SLC20A2: variants seen among roughly 807,000 people sequenced by gnomAD.
The protein encoded by SLC20A2 is solute carrier family 20 member 2.
Under a neutral mutation model 61.0 loss-of-function variants are expected in SLC20A2, and 30 were observed. That is an observed-to-expected ratio of 0.49 (90% confidence interval 0.37 to 0.67). The LOEUF is 0.67. Among genes scored for constraint, SLC20A2 ranks in the 30% least tolerant of loss-of-function variants. The pLI is 0.00. For synonymous variants in SLC20A2, 351 were observed against 353.3 expected, an observed-to-expected ratio of 0.99 and a Z score of 0.07; for missense variants, 626 against 866.4, an observed-to-expected ratio of 0.72 and a Z score of 3.48.
chr8:42,424,322 G>A (rs1476144792), intron 10 of SLC20A2, among the ~76,000 whole-genome samples: 1 of 151,628 alleles, frequency 6.6e-6, no homozygotes, highest in Non-Finnish European at 1.5e-5. Flanking sequence ...GCTTTTTTTG[G>A]GGGGTGCGGG....
chr8:42,540,814 T>C (rs1017926603), intron 1 of SLC20A2: 2 of 152,278 alleles, frequency 1.3e-5, no homozygotes, highest in Non-Finnish European at 2.9e-5. Context: ...ACTTCCATAC[T>C]GATGCTGAAA....
intron 2 of SLC20A2, among the ~76,000 whole-genome samples, chr8:42,469,452 C>A (rs1469093143): frequency 1.3e-5 from 2 of 152,118 alleles, no homozygotes; most frequent in Non-Finnish European, 2.9e-5. Context: ...CAGTAAAGAG[C>A]CAAACGCCAG....
At chr8:42,444,797 G>C in intron 5 of SLC20A2, 35 bp from the exon 6 acceptor site, 1 of 1,545,726 alleles carries the variant, frequency 6.5e-7, no homozygotes, top group Middle Eastern at 1.7e-4. Context: ...GTCATTACTG[G>C]AAACTTCTGC....
chr8:42,418,858 C>T (rs1245490255), intron 10 of SLC20A2, among the ~76,000 whole-genome samples: 1 of 151,652 alleles, frequency 6.6e-6, no homozygotes, highest in Non-Finnish European at 1.5e-5. Flanking sequence ...ATTAGCCAGG[C>T]GTGGTGGCAG....
chr8:42,451,574 G>A (rs1305125544), intron 5 of SLC20A2, among the ~76,000 whole-genome samples: 4 of 139,278 alleles, frequency 2.9e-5, no homozygotes, highest in African/African-American at 1.1e-4. Flanking sequence ...AGGAAGAGAT[G>A]AAGAGGAAGA....
intron 1 of SLC20A2, chr8:42,484,837 G>A: frequency 3.0e-6 from 1 of 334,172 alleles, no homozygotes; most frequent in South Asian, 2.6e-5. Flanking sequence ...AGGGCATCCA[G>A]CCAGCTGGGT....
rs147146691 is a variant in SLC20A2 at position 42,529,933 on chromosome 8, C to T, written c.-265+11888G>A. Among the ~76,000 whole-genome samples, 1,187 of 152,254 alleles carry T rather than the reference C, an allele frequency of 7.8e-3. 8 individuals carry two copies. The highest frequency in any genetic ancestry group is 0.027 in the African/African-American group (1,136 of 41,550). On this transcript the variant is annotated intron_variant, in intron 1 of 10. Coordinates refer to the SLC20A2 transcript ENST00000342228. Reference sequence around the variant, plus strand: ...AGTGAAATAACTTTTAAAAAAGAAACTTTAGATACAGTATATATTTTGATC... The same window carrying T: ...AGTGAAATAACTTTTAAAAAAGAAATTTTAGATACAGTATATATTTTGATC...
At chr8:42,459,663 A>G (rs945642512) in intron 5 of SLC20A2, among the ~76,000 whole-genome samples, 6 of 152,136 alleles carry the variant, frequency 3.9e-5, no homozygotes, top group Non-Finnish European at 8.8e-5. Context: ...TGTACTCTAC[A>G]TATCTCTTGG....
intron 1 of SLC20A2, among the ~76,000 whole-genome samples, chr8:42,519,170 G>T (rs949632914): frequency 1.3e-5 from 2 of 152,194 alleles, no homozygotes; most frequent in Admixed American, 6.5e-5. Context: ...TACTGACCAG[G>T]CACGGTGGCT....
chr8:42,438,063 C>CAAAAAAAAAAAAAAA lies in SLC20A2; in HGVS notation c.935-501_935-487dup, dbSNP rs1391262305. Among the ~76,000 whole-genome samples the CAAAAAAAAAAAAAAA allele has an allele frequency of 5.7e-3, 152 of 26,792 alleles. 25 individuals carry two copies. The highest frequency in any genetic ancestry group is 8.6e-3 in the Non-Finnish European group (105 of 12,224). 17.6% of individuals were successfully genotyped at this position (26,792 alleles called of 152,430 possible). On this transcript the variant is annotated intron_variant, in intron 7 of 10. Transcript: ENST00000520262. ...TATGGTTACCACTAAAAAAAAAAAC[C>CAAAAAAAAAAAAAAA]AAAAAAAAAAAAAAAAAAAAAAAAA...
At chr8:42,428,203 G>T (rs1803558802) in intron 10 of SLC20A2, among the ~76,000 whole-genome samples, 1 of 152,160 alleles carries the variant, frequency 6.6e-6, no homozygotes, top group Non-Finnish European at 1.5e-5. Flanking sequence ...CCATGACCAG[G>T]AGCCCTCTCT....
chr8:42,527,513 C>T (rs1812046107), intron 1 of SLC20A2, among the ~76,000 whole-genome samples: 1 of 152,084 alleles, frequency 6.6e-6, no homozygotes, highest in Admixed American at 6.5e-5. Context: ...TGCAGTGGCT[C>T]ACACCTGTAA....
rs1424339150 is a variant in SLC20A2, at chr8:42,419,786, G to A, written c.1795-1819C>T. 1.5e-5 allele frequency: 6 copies of A among 404,306 alleles called. No homozygotes were observed. The South Asian group carries it at 3.1e-4, about 21-fold the overall frequency. 25.0% of individuals were successfully genotyped at this position (404,306 alleles called of 1,614,324 possible). On this transcript the variant is annotated intron_variant, in intron 10 of 10. Transcript: ENST00000520262. ...TTGCTCTTTTTTTGGCTAATTAACC[G>A]ACAAAAAGATGCACTGTTGCTGTTT...
chr8:42,530,294 C>T (rs370847303), intron 1 of SLC20A2, among the ~76,000 whole-genome samples: 52 of 152,268 alleles, frequency 3.4e-4, no homozygotes, highest in African/African-American at 1.2e-3. Context: ...TTAATTTAAA[C>T]AGCAACTTTT....
At chr8:42,418,999 ACT>A (rs1299057055) in intron 10 of SLC20A2, among the ~76,000 whole-genome samples, 1 of 120,106 alleles carries the variant, frequency 8.3e-6, no homozygotes, top group Non-Finnish European at 1.7e-5. Flanking sequence ...ACAGAGAGAG[ACT>A]CTGTCTCAAA....
intron 1 of SLC20A2, among the ~76,000 whole-genome samples, chr8:42,493,992 A>C (rs1018171576): frequency 6.6e-6 from 1 of 152,102 alleles, no homozygotes; most frequent in Non-Finnish European, 1.5e-5. Context: ...ACATTTAAAA[A>C]ATTAGCCAGG....
chr8:42,428,771 G>T lies in SLC20A2; in HGVS notation c.1781C>A (p.Thr594Asn). The change falls in exon 10 of 11, where the codon ACC becomes AAC. Residue 594 changes from threonine (T) to asparagine (N), a missense_variant. By Grantham distance (65) the Thr-to-Asn change is moderately conservative (BLOSUM62 0). Transcript: ENST00000520262. ...GCAGGGGCCTACCTTACAGTGCGTG[G>T]TGCTGACTGGAAGCCCGATGTTGGA... is the stretch of plus-strand genomic sequence containing the variant. ...IASNIGLPVS[T>N]THCKVGSVVA... The T allele has an allele frequency of 6.2e-7, 1 of 1,611,700 alleles. No individual in the cohort carries two copies. Among genetic ancestry groups the T allele is most frequent in the Non-Finnish European group, 8.5e-7 (1 of 1,179,096 alleles).
In SLC20A2 at chr8:42,521,391, T is replaced by C. The variant is rs1458872777; in HGVS notation, c.-265+20430A>G. Among the ~76,000 whole-genome samples the C allele has an allele frequency of 2.5e-5, 3 of 121,460 alleles. 1 individual carries two copies. Among genetic ancestry groups the C allele is most frequent in the Admixed American group, 1.7e-4 (2 of 12,052 alleles). 79.7% of individuals were successfully genotyped at this position (121,460 alleles called of 152,430 possible). On this transcript the variant is annotated intron_variant, in intron 1 of 10. Coordinates refer to the SLC20A2 transcript ENST00000342228. ...TACAGATTGCATGATTCCATTTATA[T>C]AGTATTCTCAAAATGAGATCAGATT...
intron 6 of SLC20A2, 42 bp downstream of exon 6, chr8:42,444,604 C>G (rs772107653): frequency 6.9e-7 from 1 of 1,457,050 alleles, no homozygotes; most frequent in East Asian, 2.3e-5. Context: ...TTTTGGGAAT[C>G]GGGAGCATTT....
Sources: gnomAD v4.1 joint callset for allele counts (sites outside exome capture counted in the v4.1 genomes callset) on GRCh38, gnomAD v4.1.1 for gene constraint, MANE v1.5 for transcripts, NCBI Gene and HGNC (gene_info 2026-07-23, HGNC 2026-07-21) for gene names.